VSTM2B: variants seen among roughly 807,000 people sequenced by gnomAD.
VSTM2B encodes the protein V-set and transmembrane domain containing 2B, also known as V-set and transmembrane domain-containing protein 2B.
In VSTM2B, 24 loss-of-function variants were observed where a neutral mutation model predicts 24.0. That is an observed-to-expected ratio of 1.00 (90% CI 0.72 to 1.40). The LOEUF (loss-of-function observed/expected upper bound fraction) is 1.40. Ranked by LOEUF, VSTM2B falls within the 40% of genes most tolerant of loss-of-function variation. The pLI is 0.00. For synonymous variants in VSTM2B, 226 were observed against 194.4 expected (o/e 1.16, Z -1.35); for missense variants, 399 against 416.4 (o/e 0.96, Z 0.36).
chr19:29,554,264 A>C (rs1970356899), intron 4 of VSTM2B, among the ~76,000 whole-genome samples: 1 of 152,224 alleles, frequency 6.6e-6, no homozygotes, highest in African/African-American at 2.4e-5. Context: ...ACTGGGGGCC[A>C]ATATTCAACA....
chr19:29,527,126 G>A, intron 1 of VSTM2B, 85 bp from the exon 2 acceptor site: 2 of 1,262,182 alleles, frequency 1.6e-6, no homozygotes, highest in Non-Finnish European at 1.1e-6. Context: ...AGGCCAGCCA[G>A]CCAGAGACCG....
At chr19:29,536,393 C>A (rs7248842) in intron 4 of VSTM2B, among the ~76,000 whole-genome samples, 2 of 152,176 alleles carry the variant, frequency 1.3e-5, no homozygotes, top group East Asian at 1.9e-4. Context: ...CTTTCAGATG[C>A]CCCCTCTCTC....
intron 4 of VSTM2B, among the ~76,000 whole-genome samples, chr19:29,537,880 C>CA (rs1363665265): frequency 6.6e-6 from 1 of 152,076 alleles, no homozygotes; most frequent in Non-Finnish European, 1.5e-5. Context: ...AGACCGAGGC[C>CA]AGGAAAATTA....
Position 29,527,388 on chromosome 19 carries a change from G to A in VSTM2B, c.260G>A (p.Arg87Gln). The change falls in exon 2 of 5, where the codon CGG (arginine) becomes CAG (glutamine). Residue 87 changes from arginine (R) to glutamine (Q), a missense_variant. Coordinates refer to ENST00000335523, the MANE Select transcript of VSTM2B (RefSeq NM_001146339.2). ...CTGGCGCTCAGCGTGCCGGGCGCCC[G>A]GAGCAAGGTAACCCGCCGCCCACGC... Reference protein sequence around the residue: ...HELALSVPGARSKVTNKDATK... With the variant: ...HELALSVPGAQSKVTNKDATK... 1.3e-6 allele frequency: 2 copies of A among 1,532,392 alleles called. No individual in the cohort carries two copies. Among genetic ancestry groups the A allele is most frequent in the South Asian group, 1.2e-5 (1 of 82,320 alleles). 94.9% of individuals were successfully genotyped at this position (1,532,392 alleles called of 1,614,324 possible). A position where few individuals can be genotyped will look rare whatever the true frequency, so the allele number is the denominator to read the frequency against.
chr19:29,554,422 C>T (rs1471040579), intron 4 of VSTM2B, among the ~76,000 whole-genome samples: 2 of 152,174 alleles, frequency 1.3e-5, no homozygotes, highest in African/African-American at 4.8e-5. Flanking sequence ...GAAGGAAGCA[C>T]TAAATATGGA....
At position 29,527,403 on chromosome 19, in the gene VSTM2B, G is replaced by A. The variant is rs116929416; in HGVS notation, c.267+8G>A. 10,237 of 1,515,104 alleles carry A rather than the reference G, an allele frequency of 6.8e-3. 227 individuals carry two copies. The East Asian group carries it at 0.099, about 15-fold the overall frequency. 93.9% of individuals were successfully genotyped at this position (1,515,104 alleles called of 1,614,324 possible). ...CCGGGCGCCCGGAGCAAGGTAACCCGCCGCCCACGCGGTACCGGCGCGCGC... is the reference window on the plus strand; with the variant it reads ...CCGGGCGCCCGGAGCAAGGTAACCCACCGCCCACGCGGTACCGGCGCGCGC... On this transcript the variant is annotated splice_region_variant and intron_variant, in intron 2 of 4. Coordinates refer to ENST00000335523, the MANE Select transcript of VSTM2B (RefSeq NM_001146339.2).
intron 4 of VSTM2B, among the ~76,000 whole-genome samples, chr19:29,530,820 G>A (rs1332122281): frequency 6.6e-6 from 1 of 152,120 alleles, no homozygotes; most frequent in Admixed American, 6.5e-5. Context: ...CGCCCTCTTT[G>A]GCTAAATGCA....
chr19:29,562,669 G>A (rs191201467), intron 4 of VSTM2B, among the ~76,000 whole-genome samples: 1 of 152,176 alleles, frequency 6.6e-6, no homozygotes, highest in Non-Finnish European at 1.5e-5. Flanking sequence ...GATCGTGCAG[G>A]GTGCTTCCAC....
At chr19:29,531,976 T>C (rs551131905) in intron 4 of VSTM2B, among the ~76,000 whole-genome samples, 1 of 152,142 alleles carries the variant, frequency 6.6e-6, no homozygotes, top group African/African-American at 2.4e-5. Flanking sequence ...AGCAGACCAG[T>C]GAGGAGAGAC....
rs1037780154 is a variant in VSTM2B, at chr19:29,526,854, C to G, written c.82+189C>G. 13 of 532,496 alleles carry G rather than the reference C, an allele frequency of 2.4e-5. No homozygotes were observed. Among genetic ancestry groups the G allele is most frequent in the Admixed American group, 3.7e-5 (1 of 26,756 alleles). The allele number at this position is 532,496 out of a possible 1,614,324, so 33.0% of individuals were successfully genotyped here. ...GTCGCCGCAGCAGCAGCGCCGCGCC[C>G]GAGTCGTTCCCAGTCCCGCCGGGGC... On this transcript the variant is annotated intron_variant, in intron 1 of 4. Transcript: ENST00000335523. This position sits in a 1 kb window ranked among gnomAD's most constrained non-coding sequence, Gnocchi z 4.1.
At chr19:29,530,899 G>C (rs577368185) in intron 4 of VSTM2B, among the ~76,000 whole-genome samples, 3 of 151,940 alleles carry the variant, frequency 2.0e-5, no homozygotes, top group Non-Finnish European at 1.5e-5. Flanking sequence ...GCTTTGGGGT[G>C]GGGGCAGTAA....
At position 29,527,253 on chromosome 19, in the gene VSTM2B, G is replaced by A; in HGVS notation, c.125G>A (p.Gly42Glu). 1 of 1,550,396 alleles carries A rather than the reference G, an allele frequency of 6.4e-7. No homozygotes were observed. The highest frequency in any genetic ancestry group is 8.7e-7 in the Non-Finnish European group (1 of 1,146,748). The change falls in exon 2 of 5, where the codon GGA becomes GAA. Residue 42 changes from glycine (G) to glutamate (E), a missense_variant. By Grantham distance (98) the Gly-to-Glu change is moderately conservative. Coordinates refer to ENST00000335523, the MANE Select transcript of VSTM2B (RefSeq NM_001146339.2). ...EVPKDVTVRE[G>E]DDIEMPCAFR... Reference sequence around the variant, plus strand: ...CCCAAAGATGTGACAGTACGGGAGGGAGACGACATCGAAATGCCCTGCGCG... The same window carrying A: ...CCCAAAGATGTGACAGTACGGGAGGAAGACGACATCGAAATGCCCTGCGCG...
intron 4 of VSTM2B, among the ~76,000 whole-genome samples, chr19:29,562,335 G>A: frequency 6.6e-6 from 1 of 152,200 alleles, no homozygotes; most frequent in African/African-American, 2.4e-5. Flanking sequence ...CTGGAGAGAG[G>A]AGAGCTGTGC....
At chr19:29,561,923 A>C (rs1182995670) in intron 4 of VSTM2B, among the ~76,000 whole-genome samples, 1 of 152,214 alleles carries the variant, frequency 6.6e-6, no homozygotes, top group Non-Finnish European at 1.5e-5. Context: ...GAGGCAGAGC[A>C]CCAGCCTGAG....
intron 4 of VSTM2B, among the ~76,000 whole-genome samples, chr19:29,553,061 C>G (rs368278251): frequency 1.3e-4 from 20 of 152,284 alleles, no homozygotes; most frequent in Non-Finnish European, 2.5e-4. Flanking sequence ...TCTGGGCAGT[C>G]TGGACAAGTG....
chr19:29,542,864 A>T (rs1162881357), intron 4 of VSTM2B, among the ~76,000 whole-genome samples: 1 of 152,128 alleles, frequency 6.6e-6, no homozygotes, highest in Non-Finnish European at 1.5e-5. Flanking sequence ...TCCAGGAAGG[A>T]GGCCATAGGA....
chr19:29,556,351 C>T (rs181017118), intron 4 of VSTM2B, among the ~76,000 whole-genome samples: 2 of 152,206 alleles, frequency 1.3e-5, no homozygotes, highest in African/African-American at 4.8e-5. Flanking sequence ...ATGTCAAAAA[C>T]TCTCAATTAA....
chr19:29,536,312 G>A (rs950763097), intron 4 of VSTM2B, among the ~76,000 whole-genome samples: 2 of 152,210 alleles, frequency 1.3e-5, no homozygotes, highest in Non-Finnish European at 2.9e-5. Context: ...TCCTGTAGGT[G>A]GTGTGTGACT....
chr19:29,539,694 C>T (rs17510632), intron 4 of VSTM2B, among the ~76,000 whole-genome samples: 8,874 of 152,342 alleles, frequency 0.058, 315 homozygotes, highest in Middle Eastern at 0.11. Context: ...CTTCCCTTTC[C>T]GTGGCTCACT....
Sources: gnomAD v4.1 joint callset for allele counts (sites outside exome capture counted in the v4.1 genomes callset) on GRCh38, gnomAD v4.1.1 for gene constraint, Gnocchi (gnomAD v3.1) non-coding constraint, MANE v1.5 for transcripts, NCBI Gene and HGNC (gene_info 2026-07-23, HGNC 2026-07-21) for gene names.